TCP1: variants seen among roughly 807,000 people sequenced by gnomAD.
TCP1 encodes T-complex protein 1 subunit alpha.
A neutral mutation model predicts 54.7 loss-of-function variants in TCP1; 6 were observed. That is an observed-to-expected ratio of 0.11 (90% CI 0.06 to 0.22). TCP1 has a LOEUF of 0.22. Ranked by LOEUF, TCP1 falls within the 10% of genes least tolerant of loss-of-function variation. The pLI, the probability that TCP1 is intolerant of heterozygous loss-of-function variation, is 1.00. For synonymous variants in TCP1, 225 were observed against 229.7 expected, an observed-to-expected ratio of 0.98 and a Z score of 0.19; for missense variants, 511 against 678.2, an observed-to-expected ratio of 0.75 and a Z score of 2.74.
chr6:159,789,187 A>G (rs1359980448), intron 1 of TCP1: 2 of 556,458 alleles, frequency 3.6e-6, no homozygotes, highest in African/African-American at 3.9e-5. Flanking sequence ...GCCGGTCTCA[A>G]AACCCTGCCG....
intron 3 of TCP1, among the ~76,000 whole-genome samples, chr6:159,787,077 T>TTAAAAAAAAAA: frequency 5.6e-5 from 1 of 17,736 alleles, no homozygotes; most frequent in South Asian, 3.2e-3. Flanking sequence ...ACCCTGTCTC[T>TTAAAAAAAAAA]TAAAAAAAAA....
Position 159,779,643 on chromosome 6 carries a change from G to A in TCP1, c.1438C>T (p.Arg480Cys), listed in dbSNP as rs1207751364. 2.5e-6 allele frequency: 4 copies of A among 1,604,574 alleles called. No homozygotes were observed. Among genetic ancestry groups the A allele is most frequent in the Non-Finnish European group, 2.5e-6 (3 of 1,177,534 alleles). The change falls in exon 11 of 12, where the codon CGT becomes TGT. Residue 480 changes from arginine (R) to cysteine (C), a missense_variant. Arg to Cys is a radical substitution (Grantham distance 180). Transcript: ENST00000321394. Reference sequence around the variant, plus strand: ...CATGCTTACCATTTTAGATTTTTACGTTCTGGGTTAACCTGGGCCTCATTA... The same window carrying A: ...CATGCTTACCATTTTAGATTTTTACATTCTGGGTTAACCTGGGCCTCATTA... ...FHNEAQVNPE[R>C]KNLKWIGLDL...
At chr6:159,784,906 AAAATC>A in intron 5 of TCP1, 59 bp from the exon 6 acceptor site, 1 of 1,550,800 alleles carries the variant, frequency 6.4e-7, no homozygotes, top group East Asian at 2.2e-5. Context: ...ACACACGTGA[AAAATC>A]AAGGGTAATT....
chr6:159,781,303 C>T (rs1390739230), intron 7 of TCP1, among the ~76,000 whole-genome samples, 193 bp from the exon 8 acceptor site: 2 of 152,104 alleles, frequency 1.3e-5, no homozygotes, highest in East Asian at 3.8e-4. Context: ...TCTCCCCAAC[C>T]CAAATTTGAA....
chr6:159,780,418 T>C lies in TCP1; in HGVS notation c.1097+25A>G, dbSNP rs1780548426. The C allele has an allele frequency of 1.9e-6, 3 of 1,613,334 alleles. No individual in the cohort carries two copies. In the South Asian group the frequency reaches 3.3e-5, roughly 18 times the overall value. ...TTACTTAACAAAATCGGTATAACTT[T>C]ACAATTTTAGAAAGTGGCTCTTACT... On this transcript the variant is annotated intron_variant, in intron 9 of 11. Coordinates refer to ENST00000321394, the MANE Select transcript of TCP1 (RefSeq NM_030752.3).
At chr6:159,783,590 G>A (rs929487943) in intron 7 of TCP1, among the ~76,000 whole-genome samples, 2 of 151,872 alleles carry the variant, frequency 1.3e-5, no homozygotes, top group Non-Finnish European at 2.9e-5. Context: ...CAAATCTATA[G>A]CAATGGTCAC....
At chr6:159,784,113 C>T (rs758208879) in intron 6 of TCP1, 46 bp from the exon 7 acceptor site, 1 of 1,584,120 alleles carries the variant, frequency 6.3e-7, no homozygotes, top group South Asian at 1.2e-5. Flanking sequence ...TCCTTAAAAG[C>T]ATAATAAAGA....
intron 7 of TCP1, among the ~76,000 whole-genome samples, chr6:159,781,995 GAT>G (rs1780589052): frequency 6.6e-6 from 1 of 152,222 alleles, no homozygotes; most frequent in Non-Finnish European, 1.5e-5. Flanking sequence ...AATAACATGA[GAT>G]ATAAGCTGAA....
intron 1 of TCP1, 27 bp downstream of exon 1, chr6:159,789,378 C>G (rs373245498): frequency 6.2e-7 from 1 of 1,613,002 alleles, no homozygotes. Flanking sequence ...CGGCCGCAAA[C>G]CCGACCCAGG....
At chr6:159,781,821 A>G (rs1351263326) in intron 7 of TCP1, among the ~76,000 whole-genome samples, 4 of 152,194 alleles carry the variant, frequency 2.6e-5, no homozygotes, top group African/African-American at 9.7e-5. Context: ...GAAAGCACAA[A>G]AGAAGGCAGA....
In TCP1 at chr6:159,778,919, T is replaced by G; in HGVS notation, c.*126A>C. On this transcript the variant is annotated 3_prime_UTR_variant, in exon 12 of 12. Coordinates refer to ENST00000321394, the MANE Select transcript of TCP1 (RefSeq NM_030752.3). ...TGAAATCAGAGGACCAAAGTACAGA[T>G]GGAAACCATTTCCTACATCACAAAA... is the stretch of plus-strand genomic sequence containing the variant. 6.3e-7 allele frequency: 1 copy of G among 1,578,552 alleles called. No homozygotes were observed. Among genetic ancestry groups the G allele is most frequent in the Non-Finnish European group, 8.6e-7 (1 of 1,158,232 alleles).
At chr6:159,784,231 A>G (rs142596465) in intron 6 of TCP1, among the ~76,000 whole-genome samples, 164 bp from the exon 7 acceptor site, 3 of 152,320 alleles carry the variant, frequency 2.0e-5, no homozygotes, top group South Asian at 2.1e-4. Flanking sequence ...TTTAATTCAC[A>G]TTCCTTCTAC....
intron 1 of TCP1, 93 bp downstream of exon 1, chr6:159,789,310 GGT>G: frequency 6.9e-7 from 1 of 1,455,882 alleles, no homozygotes; most frequent in Non-Finnish European, 9.5e-7. Flanking sequence ...TTTCTGCGGA[GGT>G]AAAGGAGAGA....
At chr6:159,785,529 TAA>T in intron 4 of TCP1, 33 bp from the exon 5 acceptor site, 1 of 1,499,148 alleles carries the variant, frequency 6.7e-7, no homozygotes, top group Non-Finnish European at 9.3e-7. Context: ...AAAACGCTTA[TAA>T]AGTCACTACT....
At chr6:159,781,350 G>A (rs1436329394) in intron 7 of TCP1, among the ~76,000 whole-genome samples, 1 of 152,194 alleles carries the variant, frequency 6.6e-6, no homozygotes. Context: ...AGGGAACACA[G>A]GTCCTGCCTT....
intron 8 of TCP1, among the ~76,000 whole-genome samples, 159 bp downstream of exon 8, chr6:159,780,776 T>G (rs1444762992): frequency 1.3e-5 from 2 of 152,198 alleles, no homozygotes; most frequent in African/African-American, 2.4e-5. Context: ...TTTCTCCAGT[T>G]ACATGAAAAA....
rs369333013 is a variant in TCP1 at position 159,785,336 on chromosome 6, A to T, written c.488+50T>A. On this transcript the variant is annotated intron_variant, in intron 5 of 11. Coordinates refer to ENST00000321394, the MANE Select transcript of TCP1 (RefSeq NM_030752.3). Reference sequence around the variant, plus strand: ...GCACATACCACCATGCCCATCTCAAAGTCTTATGCTTTAAAAAGTCTAAAT... The same window carrying T: ...GCACATACCACCATGCCCATCTCAATGTCTTATGCTTTAAAAAGTCTAAAT... 3.3e-5 allele frequency: 47 copies of T among 1,404,816 alleles called. No individual in the cohort carries two copies. In the African/African-American group the frequency reaches 6.3e-4, roughly 19 times the overall value. 87.0% of individuals were successfully genotyped at this position (1,404,816 alleles called of 1,614,324 possible).
At chr6:159,783,554 ATTGTT>A (rs1337232475) in intron 7 of TCP1, among the ~76,000 whole-genome samples, 2 of 151,680 alleles carry the variant, frequency 1.3e-5, no homozygotes, top group Non-Finnish European at 2.9e-5. Context: ...TAAACAATTT[ATTGTT>A]TTAAGTGACT....
Position 159,779,062 on chromosome 6 carries a change from C to A in TCP1, c.1654G>T (p.Gly552Ter). 1 of 1,613,868 alleles carries A rather than the reference C, an allele frequency of 6.2e-7. No homozygotes were observed. The change falls in exon 12 of 12, where the codon GGA (glycine) becomes TGA (stop). Residue 552 changes from glycine to a stop codon, truncating the protein, a stop_gained. Transcript: ENST00000321394. LOFTEE classifies it high-confidence loss of function. ...ACATCAGATCAATCATTAAGGGCTCCAGAGTGAACAGCATCTTCATAACTT... is the reference window on the plus strand; with the variant it reads ...ACATCAGATCAATCATTAAGGGCTCAAGAGTGAACAGCATCTTCATAACTT... Reference protein sequence around the residue: ...HGSYEDAVHSGALND With the variant: ...HGSYEDAVHS
Sources: gnomAD v4.1 joint callset for allele counts (sites outside exome capture counted in the v4.1 genomes callset) on GRCh38, gnomAD v4.1.1 for gene constraint, MANE v1.5 for transcripts, NCBI Gene and HGNC (gene_info 2026-07-23, HGNC 2026-07-21) for gene names.